DGKB: variants seen among roughly 807,000 people sequenced by gnomAD.
DGKB encodes diacylglycerol kinase beta, also known as 90 kDa diacylglycerol kinase.
A neutral mutation model predicts 114.3 loss-of-function variants in DGKB; 67 were observed. The ratio of observed to expected loss-of-function variants is 0.59; its 90% confidence interval spans 0.48 to 0.72. The LOEUF (loss-of-function observed/expected upper bound fraction) is 0.72. DGKB is among the 30% of genes least tolerant of loss of function. The probability of loss-of-function intolerance (pLI) is 0.00; values close to 1 mark genes in which losing one functional copy is unlikely to be tolerated. For missense variants in DGKB, 907 were observed against 975.2 expected, an observed-to-expected ratio of 0.93 and a Z score of 0.93; for synonymous variants, 398 against 323.1, an observed-to-expected ratio of 1.23 and a Z score of -2.49.
intron 23 of DGKB, among the ~76,000 whole-genome samples, chr7:14,328,408 T>G (rs1238075770): frequency 6.6e-6 from 1 of 152,040 alleles, no homozygotes; most frequent in Non-Finnish European, 1.5e-5. Flanking sequence ...AATTACTAAT[T>G]TCAGTATTAA....
chr7:14,395,094 T>C (rs1322022956), intron 21 of DGKB, among the ~76,000 whole-genome samples: 1 of 152,118 alleles, frequency 6.6e-6, no homozygotes, highest in Non-Finnish European at 1.5e-5. Context: ...GTCAAGGTTA[T>C]TTTGTGCTTT....
intron 23 of DGKB, among the ~76,000 whole-genome samples, chr7:14,232,438 CTAT>C (rs1288065882): frequency 6.7e-6 from 1 of 149,354 alleles, no homozygotes; most frequent in East Asian, 2.0e-4. Flanking sequence ...ATTATTATTA[CTAT>C]TATTATTATT....
chr7:14,229,403 A>G (rs1371577977), intron 23 of DGKB, among the ~76,000 whole-genome samples: 1 of 151,986 alleles, frequency 6.6e-6, no homozygotes, highest in Non-Finnish European at 1.5e-5. Flanking sequence ...TGGTAACTTA[A>G]TGGTAATTAT....
chr7:14,652,219 T>A (rs950904693), intron 13 of DGKB, among the ~76,000 whole-genome samples: 1 of 151,548 alleles, frequency 6.6e-6, no homozygotes, highest in African/African-American at 2.4e-5. Flanking sequence ...AGAACAAAGC[T>A]GGAGGCATCA....
intron 14 of DGKB, among the ~76,000 whole-genome samples, chr7:14,627,211 C>A (rs1808747817): frequency 6.6e-6 from 1 of 152,130 alleles, no homozygotes; most frequent in Admixed American, 6.5e-5. Flanking sequence ...TATTTGCCCA[C>A]TAAGTCACCA....
At chr7:14,648,181 C>G (rs1813539629) in intron 13 of DGKB, among the ~76,000 whole-genome samples, 1 of 152,238 alleles carries the variant, frequency 6.6e-6, no homozygotes, top group Non-Finnish European at 1.5e-5. Flanking sequence ...TAGGCTCCAC[C>G]TCTGGGGGCA....
Position 14,148,113 on chromosome 7 carries a change from G to T in DGKB, c.*1018C>A, listed in dbSNP as rs112804992. 254 of 152,374 alleles carry T rather than the reference G, an allele frequency of 1.7e-3. 1 individual carries two copies. Among genetic ancestry groups the T allele is most frequent in the African/African-American group, 5.8e-3 (241 of 41,534 alleles). 9.4% of individuals were successfully genotyped at this position (152,374 alleles called of 1,614,324 possible). A position where few individuals can be genotyped will look rare whatever the true frequency, so the allele number is the denominator to read the frequency against. On this transcript the variant is annotated 3_prime_UTR_variant, in exon 26 of 26. Coordinates refer to ENST00000402815, the MANE Select transcript of DGKB (RefSeq NM_001350709.2). ...ATTTATAAATGACTGAAAAAAGCAA[G>T]AAATCATCTATTGAGCTTTGATTGT...
rs76859558 is a variant in DGKB at position 14,220,762 on chromosome 7, G to A, written c.2123-42611C>T. ...GTCTCCCAATCCATGAACACAAGAT[G>A]TTTATCTGTTTATTTACATCTTCTT... On this transcript the variant is annotated intron_variant, in intron 23 of 25. Coordinates refer to ENST00000402815, the MANE Select transcript of DGKB (RefSeq NM_001350709.2). Among the ~76,000 whole-genome samples the A allele has an allele frequency of 7.1e-3, 1,074 of 151,400 alleles. 13 individuals are homozygous for A. Among genetic ancestry groups the A allele is most frequent in the African/African-American group, 0.025 (1,023 of 41,446 alleles).
At chr7:14,900,860 C>T (rs977662987) in intron 1 of DGKB, among the ~76,000 whole-genome samples, 1 of 152,068 alleles carries the variant, frequency 6.6e-6, no homozygotes, top group African/African-American at 2.4e-5. Flanking sequence ...AATTTTCTTC[C>T]TCTTTAGCTA....
At chr7:14,673,998 T>C (rs1355548187) in intron 12 of DGKB, among the ~76,000 whole-genome samples, 1 of 151,774 alleles carries the variant, frequency 6.6e-6, no homozygotes, top group Non-Finnish European at 1.5e-5. Context: ...TTCCACAACA[T>C]ACATACCTTT....
intron 25 of DGKB, among the ~76,000 whole-genome samples, chr7:14,175,738 A>C (rs918487473): frequency 3.3e-5 from 5 of 152,080 alleles, no homozygotes; most frequent in Admixed American, 6.6e-5. Context: ...TTCTCTGTCT[A>C]CCTTTTCTAC....
chr7:14,959,983 T>C (rs1786745883), intron 1 of DGKB, among the ~76,000 whole-genome samples: 1 of 152,084 alleles, frequency 6.6e-6, no homozygotes, highest in South Asian at 2.1e-4. Context: ...CTTTCATCAC[T>C]TTTGCACAAA....
intron 21 of DGKB, among the ~76,000 whole-genome samples, chr7:14,390,209 T>G (rs1421665217): frequency 6.6e-6 from 1 of 152,208 alleles, no homozygotes; most frequent in Non-Finnish European, 1.5e-5. Context: ...TTCTTGAATG[T>G]TTTTATTTAA....
intron 13 of DGKB, among the ~76,000 whole-genome samples, chr7:14,651,348 G>A (rs1032150187): frequency 5.3e-5 from 8 of 151,132 alleles, no homozygotes; most frequent in Non-Finnish European, 7.4e-5. Context: ...TTCAATACAC[G>A]CAAATCAATA....
At chr7:14,722,680 T>A (rs1829375397) in intron 5 of DGKB, among the ~76,000 whole-genome samples, 2 of 151,736 alleles carry the variant, frequency 1.3e-5, no homozygotes, top group African/African-American at 4.9e-5. Context: ...GGCGCGGTGG[T>A]ACATGCTTGT....
intron 23 of DGKB, among the ~76,000 whole-genome samples, chr7:14,302,032 T>C (rs1373845471): frequency 6.6e-6 from 1 of 152,002 alleles, no homozygotes; most frequent in East Asian, 1.9e-4. Flanking sequence ...TCTGTAATCC[T>C]ACAGAGCAAG....
At chr7:14,168,301 C>G (rs972483587) in intron 25 of DGKB, among the ~76,000 whole-genome samples, 1 of 152,090 alleles carries the variant, frequency 6.6e-6, no homozygotes, top group African/African-American at 2.4e-5. Context: ...AGTGAACAGA[C>G]TCAAAGATCT....
At chr7:14,209,036 A>G (rs565529645) in intron 23 of DGKB, 1 of 164,846 alleles carries the variant, frequency 6.1e-6, no homozygotes, top group South Asian at 1.5e-4. Flanking sequence ...ACATACTTGC[A>G]TACATCGTTT....
chr7:14,505,636 T>A (rs996926657), intron 20 of DGKB, among the ~76,000 whole-genome samples: 6 of 152,292 alleles, frequency 3.9e-5, no homozygotes, highest in Admixed American at 3.3e-4. Flanking sequence ...ACTGTGTGTG[T>A]GTATAATTAT....
Sources: gnomAD v4.1 joint callset for allele counts (sites outside exome capture counted in the v4.1 genomes callset) on GRCh38, gnomAD v4.1.1 for gene constraint, MANE v1.5 for transcripts, NCBI Gene and HGNC (gene_info 2026-07-23, HGNC 2026-07-21) for gene names.